SORCS3: variants seen among roughly 807,000 people sequenced by gnomAD.
SORCS3 encodes VPS10 domain-containing receptor SorCS3.
In SORCS3, 57 loss-of-function variants were observed where a neutral mutation model predicts 146.3. The ratio of observed to expected loss-of-function variants is 0.39; its 90% CI spans 0.31 to 0.49. SORCS3 has a LOEUF of 0.49. SORCS3 is among the 20% of genes least tolerant of loss of function. The pLI, the probability that SORCS3 is intolerant of heterozygous loss-of-function variation, is 0.92. For synonymous variants in SORCS3, 653 were observed against 618.5 expected, an observed-to-expected ratio of 1.06 and a Z score of -0.83; for missense variants, 1,341 against 1,575.5, an observed-to-expected ratio of 0.85 and a Z score of 2.52.
intron 20 of SORCS3, 52 bp downstream of exon 20, chr10:105,223,301 T>A (rs1313855878): frequency 6.6e-7 from 1 of 1,516,956 alleles, no homozygotes; most frequent in Non-Finnish European, 8.9e-7. Flanking sequence ...AATGCTCCTA[T>A]GTTCCAGCTT....
chr10:104,833,856 A>C (rs1389137404), intron 1 of SORCS3, among the ~76,000 whole-genome samples: 1 of 152,126 alleles, frequency 6.6e-6, no homozygotes, highest in Non-Finnish European at 1.5e-5. Context: ...CTCCATTTGA[A>C]TGTCTCTTAG....
chr10:104,648,089 A>G (rs2015515723), intron 1 of SORCS3, among the ~76,000 whole-genome samples: 1 of 152,234 alleles, frequency 6.6e-6, no homozygotes, highest in African/African-American at 2.4e-5. Flanking sequence ...TGACAACAAG[A>G]CAGATGCCAT....
chr10:105,077,389 A>G (rs774782221), intron 5 of SORCS3, among the ~76,000 whole-genome samples: 2 of 152,094 alleles, frequency 1.3e-5, no homozygotes, highest in Non-Finnish European at 2.9e-5. Flanking sequence ...GAACTTTTTA[A>G]TTTGCTGGGG....
chr10:104,812,301 G>A (rs894514990), intron 1 of SORCS3, among the ~76,000 whole-genome samples: 2 of 152,102 alleles, frequency 1.3e-5, no homozygotes, highest in African/African-American at 2.4e-5. Context: ...GAGTAAGGAC[G>A]CAGTACACCT....
chr10:105,176,617 A>T (rs909034105), intron 13 of SORCS3, among the ~76,000 whole-genome samples: 1 of 152,008 alleles, frequency 6.6e-6, no homozygotes, highest in Non-Finnish European at 1.5e-5. Flanking sequence ...GCATTTTGGG[A>T]GGCCTAGGTG....
intron 2 of SORCS3, among the ~76,000 whole-genome samples, chr10:104,872,742 A>G (rs554053424): frequency 2.0e-4 from 31 of 152,130 alleles, no homozygotes; most frequent in African/African-American, 5.8e-4. Flanking sequence ...CTTTAGCTCT[A>G]TCTCCTCTGT....
intron 4 of SORCS3, among the ~76,000 whole-genome samples, chr10:104,984,856 C>T (rs973492400): frequency 6.6e-6 from 1 of 152,020 alleles, no homozygotes; most frequent in Non-Finnish European, 1.5e-5. Flanking sequence ...AATTGCATTA[C>T]GTCTAAAAAA....
chr10:104,894,870 A>G (rs1222036106), intron 2 of SORCS3, among the ~76,000 whole-genome samples: 1 of 152,200 alleles, frequency 6.6e-6, no homozygotes, highest in Non-Finnish European at 1.5e-5. Context: ...GCATCCTGGA[A>G]TTGAAATGGC....
chr10:105,176,182 T>C (rs995698939), intron 13 of SORCS3, among the ~76,000 whole-genome samples: 1 of 152,154 alleles, frequency 6.6e-6, no homozygotes, highest in African/African-American at 2.4e-5. Flanking sequence ...GTATCAACTA[T>C]ATGCCAGGTT....
At chr10:104,792,050 A>C (rs1166300126) in intron 1 of SORCS3, among the ~76,000 whole-genome samples, 6 of 152,100 alleles carry the variant, frequency 3.9e-5, no homozygotes, top group Admixed American at 1.3e-4. Context: ...TCTTTTGCCA[A>C]GATCAGAGTT....
chr10:104,947,914 C>G (rs2019390393), intron 3 of SORCS3, among the ~76,000 whole-genome samples: 1 of 152,070 alleles, frequency 6.6e-6, no homozygotes, highest in African/African-American at 2.4e-5. Flanking sequence ...TGTGCCCAGC[C>G]TAGATGTTAC....
At chr10:105,196,142 T>C (rs984168694) in intron 14 of SORCS3, among the ~76,000 whole-genome samples, 3 of 152,192 alleles carry the variant, frequency 2.0e-5, no homozygotes, top group African/African-American at 7.2e-5. Context: ...CTCAAAGAGT[T>C]GGAAAGACCA....
chr10:104,754,135 A>C (rs904611038), intron 1 of SORCS3, among the ~76,000 whole-genome samples: 1 of 152,130 alleles, frequency 6.6e-6, no homozygotes, highest in Non-Finnish European at 1.5e-5. Context: ...TTGGTGCTTA[A>C]ATCAAGGTTA....
intron 5 of SORCS3, among the ~76,000 whole-genome samples, chr10:105,063,750 A>G (rs2055503755): frequency 6.6e-6 from 1 of 152,226 alleles, no homozygotes; most frequent in Non-Finnish European, 1.5e-5. Context: ...GACACCAGCC[A>G]TGTCCCCTCC....
rs1165271023 is a variant in SORCS3 at position 104,937,033 on chromosome 10, G to T, written c.795+21101G>T. Among the ~76,000 whole-genome samples, 3 of 152,182 alleles carry T rather than the reference G, an allele frequency of 2.0e-5. 1 individual carries two copies. Among genetic ancestry groups the T allele is most frequent in the Non-Finnish European group, 2.9e-5 (2 of 68,026 alleles). The stretch of plus-strand genomic sequence containing the variant: ...TGTGAAAGACAATTTTTCCACAGAT[G>T]GGGGCACAGGGGGTGATTTCAGATG... On this transcript the variant is annotated intron_variant, in intron 3 of 26. Transcript: ENST00000369701.
At chr10:104,979,247 T>A (rs899763640) in intron 4 of SORCS3, among the ~76,000 whole-genome samples, 1 of 152,234 alleles carries the variant, frequency 6.6e-6, no homozygotes, top group Non-Finnish European at 1.5e-5. Flanking sequence ...GTTAGATGAA[T>A]GAATTAGTGG....
At chr10:105,204,012 A>T (rs1272874354) in intron 16 of SORCS3, among the ~76,000 whole-genome samples, 1 of 152,070 alleles carries the variant, frequency 6.6e-6, no homozygotes, top group Non-Finnish European at 1.5e-5. Context: ...GCATTGCTCA[A>T]AGTATTTCTG....
intron 4 of SORCS3, among the ~76,000 whole-genome samples, chr10:105,005,309 T>C (rs1299005556): frequency 6.6e-6 from 1 of 152,160 alleles, no homozygotes; most frequent in African/African-American, 2.4e-5. Context: ...TGTATATACA[T>C]AGAAACAAAC....
At chr10:105,013,105 A>C (rs1189047062) in intron 4 of SORCS3, among the ~76,000 whole-genome samples, 1 of 152,146 alleles carries the variant, frequency 6.6e-6, no homozygotes, top group Non-Finnish European at 1.5e-5. Flanking sequence ...AAGGAGAAAA[A>C]CTACATCAGT....
Sources: allele counts gnomAD v4.1 joint callset (sites outside exome capture counted in the v4.1 genomes callset), GRCh38; gene constraint gnomAD v4.1.1; transcripts MANE v1.5; gene names NCBI Gene and HGNC (gene_info 2026-07-23, HGNC 2026-07-21).